Variants in NAGK observed in about 807,000 individuals in gnomAD.
NAGK encodes the protein N-acetyl-D-glucosamine kinase.
In NAGK, 35 loss-of-function variants were observed where a neutral mutation model predicts 42.9. The ratio of observed to expected loss-of-function variants is 0.82; its 90% CI spans 0.62 to 1.08. NAGK has a LOEUF of 1.08. NAGK is among the 50% of genes least tolerant of loss of function. The pLI is 0.00. For synonymous variants in NAGK, 172 were observed against 176.0 expected (o/e 0.98, Z 0.18); for missense variants, 446 against 446.0 (o/e 1.00, Z 0.00).
chr2:71,073,688 C>A, intron 6 of NAGK, 94 bp downstream of exon 6: 3 of 1,056,568 alleles, frequency 2.8e-6, no homozygotes, highest in Non-Finnish European at 4.4e-6. Flanking sequence ...CTGGGCGGAC[C>A]GGCAGGAAAT....
Position 71,076,586 on chromosome 2 carries a change from C to A in NAGK, c.668-18C>A. The A allele has an allele frequency of 6.3e-7, 1 of 1,588,462 alleles. No homozygotes were observed. The highest frequency in any genetic ancestry group is 8.6e-7 in the Non-Finnish European group (1 of 1,158,050). On this transcript the variant is annotated intron_variant, in intron 7 of 9. Transcript: ENST00000244204. Reference sequence around the variant, plus strand: ...CTCCTTTCTCACCAGTTTCCTTCTTCCGTCCTCCCTACCCCAGGTGCTCAG... The same window carrying A: ...CTCCTTTCTCACCAGTTTCCTTCTTACGTCCTCCCTACCCCAGGTGCTCAG...
chr2:71,068,542 G>C (rs919241444), upstream of NAGK: 4 of 1,472,826 alleles, frequency 2.7e-6, no homozygotes, highest in Non-Finnish European at 3.6e-6. Flanking sequence ...GCCCCGCCCC[G>C]CGCATGCGCA....
chr2:71,069,201 A>T, intron 1 of NAGK: 4 of 689,000 alleles, frequency 5.8e-6, no homozygotes, highest in Non-Finnish European at 7.2e-6. Context: ...AAACCGCTCC[A>T]TCCCTGTTGG....
At position 71,073,493 on chromosome 2, in the gene NAGK, G is replaced by GCA. The variant is rs1558727342; in HGVS notation, c.482_483dup (p.Gln162ThrfsTer4). 1 of 1,613,498 alleles carries GCA rather than the reference G, an allele frequency of 6.2e-7. No individual in the cohort carries two copies. Among genetic ancestry groups the GCA allele is most frequent in the East Asian group, 2.2e-5 (1 of 44,892 alleles). On this transcript the variant is annotated frameshift_variant, in exon 6 of 10. Coordinates refer to ENST00000244204, the MANE Select transcript of NAGK (RefSeq NM_017567.6). LOFTEE classifies it high-confidence loss of function. ...TCTGCTCCCTGCAGCCTACTGGATC[G>GCA]CACACCAAGCAGTGAAAATAGTGTT...
At chr2:71,075,845 A>G (rs375345957) in intron 7 of NAGK, 4 of 581,106 alleles carry the variant, frequency 6.9e-6, no homozygotes, top group Admixed American at 3.0e-5. Context: ...GTTTTGTATT[A>G]CCTGTGTTTT....
rs1672329403 is a variant in NAGK, at chr2:71,079,368, G to C, written c.*860G>C. 1 of 152,222 alleles carries C rather than the reference G, an allele frequency of 6.6e-6. No homozygotes were observed. Among genetic ancestry groups the C allele is most frequent in the Non-Finnish European group, 1.5e-5 (1 of 68,042 alleles). The allele number at this position is 152,222 out of a possible 1,614,324, so 9.4% of individuals were successfully genotyped here. Reference sequence around the variant, plus strand: ...GCCTGTGCTGCTTGGTGAAGACTAAGGACAGGAGTCTCGATCCACAATAGC... The same window carrying C: ...GCCTGTGCTGCTTGGTGAAGACTAACGACAGGAGTCTCGATCCACAATAGC... On this transcript the variant is annotated 3_prime_UTR_variant, in exon 10 of 10. Coordinates refer to ENST00000244204, the MANE Select transcript of NAGK (RefSeq NM_017567.6).
intron 8 of NAGK, 85 bp downstream of exon 8, chr2:71,076,786 C>T: frequency 8.9e-7 from 1 of 1,121,892 alleles, no homozygotes; most frequent in Non-Finnish European, 1.3e-6. Flanking sequence ...CCCATCAAAC[C>T]CTGCATAGAT....
At chr2:71,075,442 A>C in intron 6 of NAGK, 113 bp from the exon 7 acceptor site, 1 of 764,146 alleles carries the variant, frequency 1.3e-6, no homozygotes, top group Non-Finnish European at 2.2e-6. Flanking sequence ...GGAGTTAAAA[A>C]AAATTATTCT....
chr2:71,071,943 C>A, intron 4 of NAGK, 116 bp downstream of exon 4: 1 of 1,331,992 alleles, frequency 7.5e-7, no homozygotes. Flanking sequence ...TCTTATATTC[C>A]CCTCAACTCT....
At chr2:71,073,150 G>C (rs1015046714) in intron 5 of NAGK, 4 of 473,516 alleles carry the variant, frequency 8.4e-6, no homozygotes, top group Admixed American at 6.7e-5. Context: ...TATTTTCATA[G>C]GGGCCCTTGA....
Position 71,079,638 on chromosome 2 carries a change from C to T in NAGK, c.*1130C>T, listed in dbSNP as rs6546665. On this transcript the variant is annotated 3_prime_UTR_variant, in exon 10 of 10. Coordinates refer to ENST00000244204, the MANE Select transcript of NAGK (RefSeq NM_017567.6). The stretch of plus-strand genomic sequence containing the variant: ...CTACTAAAAAATACAAAAAATTAAC[C>T]GGGCGTGGTGTCGCGCGCCTGTAGT... The T allele has an allele frequency of 0.31, 47,368 of 151,744 alleles. 7,384 individuals carry two copies. The highest frequency in any genetic ancestry group is 0.38 in the Middle Eastern group (110 of 292). The allele number at this position is 151,744 out of a possible 1,614,324, so 9.4% of individuals were successfully genotyped here.
intron 4 of NAGK, 188 bp from the exon 5 acceptor site, chr2:71,072,453 T>A (rs773822011): frequency 1.8e-6 from 1 of 558,298 alleles, no homozygotes. Context: ...GTTATGGGAT[T>A]AGAGTTTTTC....
At chr2:71,075,404 A>G (rs1039433775) in intron 6 of NAGK, 151 bp from the exon 7 acceptor site, 3 of 607,462 alleles carry the variant, frequency 4.9e-6, no homozygotes, top group Non-Finnish European at 8.8e-6. Context: ...ACTTTTCTCA[A>G]ATGAGAAATC....
intron 9 of NAGK, 46 bp from the exon 10 acceptor site, chr2:71,078,272 G>C: frequency 6.3e-7 from 1 of 1,581,878 alleles, no homozygotes; most frequent in Non-Finnish European, 8.7e-7. Flanking sequence ...CCCCAGTACA[G>C]GTTGCTGTTC....
intron 1 of NAGK, chr2:71,068,930 G>A: frequency 7.8e-7 from 1 of 1,289,140 alleles, no homozygotes; most frequent in Non-Finnish European, 9.8e-7. Context: ...CCGGGTTGGG[G>A]ATCCTTTGTG....
Position 71,069,090 on chromosome 2 carries a change from G to GGGGAGT in NAGK, c.29+388_29+393dup, listed in dbSNP as rs759629103. Reference sequence around the variant, plus strand: ...TGAAATTGCTGAGCGCGGGCAGGGTGGGGAGTGGGAGTGGGGAGAAGCGGG... The same window carrying GGGGAGT: ...TGAAATTGCTGAGCGCGGGCAGGGTGGGGAGTGGGAGTGGGAGTGGGGAGAAGCGGG... On this transcript the variant is annotated intron_variant, in intron 1 of 9. Transcript: ENST00000244204. 2.3e-3 allele frequency: 2,411 copies of GGGGAGT among 1,027,610 alleles called. 3 individuals carry two copies. Among genetic ancestry groups the GGGGAGT allele is most frequent in the Non-Finnish European group, 2.7e-3 (2,310 of 856,204 alleles). 63.7% of individuals were successfully genotyped at this position (1,027,610 alleles called of 1,614,324 possible). A position where few individuals can be genotyped will look rare whatever the true frequency, so the allele number is the denominator to read the frequency against.
chr2:71,072,690 C>G lies in NAGK; in HGVS notation c.405C>G (p.Asn135Lys), dbSNP rs1421318890. 6.2e-7 allele frequency: 1 copy of G among 1,614,200 alleles called. No individual in the cohort carries two copies. The highest frequency in any genetic ancestry group is 2.2e-5 in the East Asian group (1 of 44,888). Reference sequence around the variant, plus strand: ...CAGGCTCCAACTGCAGGCTCATCAACCCTGATGGCTCCGAGAGTGGCTGCG... The same window carrying G: ...CAGGCTCCAACTGCAGGCTCATCAAGCCTGATGGCTCCGAGAGTGGCTGCG... The part of the protein sequence containing the change: ...SGTGSNCRLI[N>K]PDGSESGCGG... The change falls in exon 5 of 10, where the codon AAC becomes AAG. Residue 135 changes from asparagine (N) to lysine (K), a missense_variant. By Grantham distance (94) the Asn-to-Lys change is moderately conservative. Transcript: ENST00000244204.
At position 71,077,625 on chromosome 2, in the gene NAGK, T is replaced by G. The variant is rs748270449; in HGVS notation, c.833T>G (p.Leu278Arg). The stretch of plus-strand genomic sequence containing the variant: ...GGCTCTGTGTGGAAGAGCTGGGAGC[T>G]GCTGAAGGAAGGTGAGCCTGGGGGG... ...CVGSVWKSWE[L>R]LKEGFLLALT... The change falls in exon 9 of 10, where the codon CTG becomes CGG. Residue 278 changes from leucine (L) to arginine (R), a missense_variant. Physicochemically the swap from Leu to Arg is moderately radical, Grantham distance 102. Transcript: ENST00000244204. The G allele has an allele frequency of 3.7e-6, 6 of 1,606,708 alleles. No individual in the cohort carries two copies. The South Asian group carries it at 6.7e-5, about 18-fold the overall frequency.
In NAGK at chr2:71,072,879, A is replaced by G. The variant is rs1364876394; in HGVS notation, c.466+128A>G. On this transcript the variant is annotated intron_variant, in intron 5 of 9. Transcript: ENST00000244204. ...CTGGGGACAACTCCTGAACCTGGCC[A>G]TTCCATGTGCAGGATCATGACTGAG... The G allele has an allele frequency of 5.0e-6, 4 of 805,870 alleles. No homozygotes were observed. The African/African-American group carries it at 5.1e-5, about 10-fold the overall frequency. The allele number at this position is 805,870 out of a possible 1,614,324, so 49.9% of individuals were successfully genotyped here. A position where few individuals can be genotyped will look rare whatever the true frequency, so the allele number is the denominator to read the frequency against.
Sources: gnomAD v4.1 joint callset for allele counts on GRCh38, gnomAD v4.1.1 for gene constraint, MANE v1.5 for transcripts, NCBI Gene and HGNC (gene_info 2026-07-23, HGNC 2026-07-21) for gene names.